The following PDE1A variants were observed in gnomAD, a reference collection of about 807,000 sequenced individuals.
PDE1A encodes the protein dual specificity calcium/calmodulin-dependent 3',5'-cyclic nucleotide phosphodiesterase 1A.
Under a neutral mutation model 61.7 loss-of-function variants are expected in PDE1A, and 35 were observed. The observed-to-expected ratio is 0.57, with a 90% CI of 0.43 to 0.75. The LOEUF is 0.75. Ranked by LOEUF, PDE1A falls within the 30% of genes least tolerant of loss-of-function variation. The pLI is 0.00. For synonymous variants in PDE1A, 232 were observed against 213.2 expected, an observed-to-expected ratio of 1.09 and a Z score of -0.77; for missense variants, 597 against 630.6, an observed-to-expected ratio of 0.95 and a Z score of 0.57.
chr2:182,659,749 T>C, the PDE1A span, among the ~76,000 whole-genome samples: 1 of 152,218 alleles, frequency 6.6e-6, no homozygotes, highest in Non-Finnish European at 1.5e-5. Flanking sequence ...CTGCTAAGCA[T>C]TATGAGATAC....
At chr2:182,295,937 T>G (rs1694855582) in intron 1 of PDE1A, among the ~76,000 whole-genome samples, 1 of 152,170 alleles carries the variant, frequency 6.6e-6, no homozygotes, top group Non-Finnish European at 1.5e-5. Context: ...GTCATACAGA[T>G]GTGGCTTGCT....
Position 182,285,033 on chromosome 2 carries a change from C to T in PDE1A, c.54-20619G>A, listed in dbSNP as rs534380187. Among the ~76,000 whole-genome samples the T allele has an allele frequency of 5.9e-4, 90 of 152,174 alleles. 1 individual carries two copies. The highest frequency in any genetic ancestry group is 2.1e-3 in the African/African-American group (87 of 41,534). ...GCTATCTTCACTTTCCTCAAGCCAG[C>T]ATTCTTATACTCTTGTACTTTCTCT... On this transcript the variant is annotated intron_variant, in intron 1 of 13. Transcript: ENST00000351439.
the PDE1A span, among the ~76,000 whole-genome samples, chr2:182,556,182 T>G: frequency 6.6e-6 from 1 of 152,010 alleles, no homozygotes; most frequent in Non-Finnish European, 1.5e-5. Context: ...TTGAAATTAT[T>G]TGAGATGGTA....
chr2:182,673,608 T>C, the PDE1A span, among the ~76,000 whole-genome samples: 1 of 152,034 alleles, frequency 6.6e-6, no homozygotes. Context: ...AAATAAGTAA[T>C]TTTTTAGTAT....
At chr2:182,147,185 A>G (rs1690542044) in intron 13 of PDE1A, 33 bp from the exon 14 acceptor site, 1 of 1,320,676 alleles carries the variant, frequency 7.6e-7, no homozygotes, top group South Asian at 1.2e-5. Context: ...GCAAAACAAA[A>G]CAAAATAAGG....
chr2:182,277,687 C>T (rs1693525830), intron 1 of PDE1A, among the ~76,000 whole-genome samples: 2 of 152,050 alleles, frequency 1.3e-5, no homozygotes, highest in African/African-American at 2.4e-5. Flanking sequence ...GGTCTAGATC[C>T]TTGCTAGAGA....
chr2:182,387,279 G>A (rs1414162516), intron 1 of PDE1A, among the ~76,000 whole-genome samples: 1 of 152,130 alleles, frequency 6.6e-6, no homozygotes, highest in Non-Finnish European at 1.5e-5. Flanking sequence ...CACAAACACT[G>A]CGGAAGGCTG....
chr2:182,385,420 G>C (rs1700972234), intron 1 of PDE1A, among the ~76,000 whole-genome samples: 1 of 151,916 alleles, frequency 6.6e-6, no homozygotes, highest in Non-Finnish European at 1.5e-5. Flanking sequence ...CAAAATGTGA[G>C]GGGAGGAATG....
chr2:182,169,236 T>A (rs1691898576), intron 13 of PDE1A, among the ~76,000 whole-genome samples: 1 of 151,972 alleles, frequency 6.6e-6, no homozygotes, highest in South Asian at 2.1e-4. Context: ...ATTGATTCCA[T>A]CTCCAGTTTA....
the PDE1A span, among the ~76,000 whole-genome samples, chr2:182,708,056 G>C: frequency 6.6e-6 from 1 of 152,042 alleles, no homozygotes; most frequent in Non-Finnish European, 1.5e-5. Flanking sequence ...TAAGGTGATG[G>C]ATATGCTATT....
intron 1 of PDE1A, among the ~76,000 whole-genome samples, chr2:182,370,866 G>A (rs777269129): frequency 1.4e-4 from 22 of 152,124 alleles, no homozygotes; most frequent in Non-Finnish European, 2.9e-4. Context: ...TGAACATGCT[G>A]AAGTTACAAT....
chr2:182,185,348 T>A (rs1430338082), intron 13 of PDE1A, among the ~76,000 whole-genome samples: 1 of 152,210 alleles, frequency 6.6e-6, no homozygotes, highest in Non-Finnish European at 1.5e-5. Context: ...AATGGACTAA[T>A]TAATTTGAAG....
the PDE1A span, among the ~76,000 whole-genome samples, chr2:182,669,005 A>G: frequency 6.6e-6 from 1 of 152,202 alleles, no homozygotes; most frequent in East Asian, 1.9e-4. Flanking sequence ...GCTGTACTGG[A>G]TGTTTATCTT....
chr2:182,318,893 T>C (rs1296335604), intron 1 of PDE1A, among the ~76,000 whole-genome samples: 2 of 152,210 alleles, frequency 1.3e-5, no homozygotes, highest in Non-Finnish European at 2.9e-5. Context: ...GATTTCAATA[T>C]GTCTTAGTAT....
chr2:182,472,682 T>C (rs982514575), intron 2 of PDE1A, among the ~76,000 whole-genome samples: 3 of 151,856 alleles, frequency 2.0e-5, no homozygotes, highest in African/African-American at 4.8e-5. Context: ...TGTAGCAAAA[T>C]TGCACTTGTA....
At chr2:182,170,205 T>G (rs1450594942) in intron 13 of PDE1A, among the ~76,000 whole-genome samples, 1 of 152,088 alleles carries the variant, frequency 6.6e-6, no homozygotes, top group African/African-American at 2.4e-5. Flanking sequence ...ATTAGTTTTG[T>G]GACGTTAGAC....
At chr2:182,226,605 C>A (rs539121501) in intron 6 of PDE1A, among the ~76,000 whole-genome samples, 1 of 149,700 alleles carries the variant, frequency 6.7e-6, no homozygotes, top group Non-Finnish European at 1.5e-5. Context: ...TGCTTAAATT[C>A]ATAAATTTTA....
chr2:182,201,535 G>T (rs1413346779), exon 10 of PDE1A: 5 of 1,613,410 alleles, frequency 3.1e-6, no homozygotes, highest in Non-Finnish European at 4.2e-6. Context: ...GGAGAATCAG[G>T]GACATGGTTT....
rs1701280072 is a variant in PDE1A at position 182,389,144 on chromosome 2, C to T, written c.53+37434G>A. Among the ~76,000 whole-genome samples the T allele has an allele frequency of 3.3e-5, 5 of 152,216 alleles. No homozygotes were observed. In the South Asian group the frequency reaches 1.0e-3, roughly 32 times the overall value. ...TAAGTAATGATACCAACCATTAAGT[C>T]CATCCCTAAAGAACTGAGAATCTTG... On this transcript the variant is annotated intron_variant, in intron 1 of 13. Coordinates refer to ENST00000351439, the Ensembl canonical transcript of PDE1A.
Sources: allele counts gnomAD v4.1 joint callset (sites outside exome capture counted in the v4.1 genomes callset), GRCh38; gene constraint gnomAD v4.1.1; transcripts MANE v1.5; gene names NCBI Gene and HGNC (gene_info 2026-07-23, HGNC 2026-07-21).